PEPD: variants seen among roughly 807,000 people sequenced by gnomAD.
PEPD encodes the protein peptidase D, also known as xaa-Pro dipeptidase.
In PEPD, 53 loss-of-function variants were observed where a neutral mutation model predicts 60.7. That is an observed-to-expected ratio of 0.87 (90% CI 0.70 to 1.10). PEPD has a LOEUF of 1.10. Among genes scored for constraint, PEPD ranks in the 50% least tolerant of loss-of-function variants. The pLI, the probability that PEPD is intolerant of heterozygous loss-of-function variation, is 0.00. For missense variants in PEPD, 711 were observed against 711.9 expected (o/e 1.00, Z 0.01); for synonymous variants, 267 against 284.1 (o/e 0.94, Z 0.60).
intron 9 of PEPD, among the ~76,000 whole-genome samples, chr19:33,436,684 C>A (rs1177763489): frequency 6.6e-5 from 10 of 152,262 alleles, no homozygotes; most frequent in Admixed American, 6.5e-4. Context: ...AAAGCAATCA[C>A]CTCATGGGCA....
At chr19:33,469,289 T>C (rs1043743897) in intron 7 of PEPD, among the ~76,000 whole-genome samples, 1 of 152,144 alleles carries the variant, frequency 6.6e-6, no homozygotes, top group African/African-American at 2.4e-5. Flanking sequence ...CCAGGAGCAC[T>C]GAGCACTGCC....
At position 33,411,693 on chromosome 19, in the gene PEPD, G is replaced by C. The variant is rs537651471; in HGVS notation, c.797C>G (p.Thr266Arg). The C allele has an allele frequency of 2.5e-6, 4 of 1,607,894 alleles. No individual in the cohort carries two copies. Among genetic ancestry groups the C allele is most frequent in the Non-Finnish European group, 3.4e-6 (4 of 1,174,700 alleles). The change falls in exon 11 of 15, where the codon ACG becomes AGG. Residue 266 changes from threonine (T) to arginine (R), a missense_variant. Thr to Arg is a moderately conservative substitution (Grantham distance 71, BLOSUM62 -1). Transcript: ENST00000244137. ...TTACCACATATCCCCATTCTGGATC[G>C]TTCGGTCGTTGGGAGCTCCGGCGTG... The part of the protein sequence containing the change: ...YGHAGAPNDR[T>R]IQNGDMCLFD...
chr19:33,442,994 G>A (rs548856113), intron 9 of PEPD, among the ~76,000 whole-genome samples: 16 of 152,252 alleles, frequency 1.1e-4, no homozygotes, highest in African/African-American at 3.9e-4. Context: ...CACACAGTAG[G>A]TGCATCATAA....
At chr19:33,447,747 G>T (rs767176088) in intron 9 of PEPD, among the ~76,000 whole-genome samples, 3 of 152,202 alleles carry the variant, frequency 2.0e-5, no homozygotes, top group Admixed American at 1.3e-4. Flanking sequence ...CTCTGGGGCA[G>T]CTGAAGAAGG....
At chr19:33,493,359 C>A (rs1292205401) in intron 4 of PEPD, 22 bp from the exon 5 acceptor site, 3 of 1,594,292 alleles carry the variant, frequency 1.9e-6, no homozygotes, top group East Asian at 2.2e-5. Flanking sequence ...GAAAGAAAAA[C>A]CCACTTTAGA....
At chr19:33,397,705 G>C (rs959287717) in intron 12 of PEPD, among the ~76,000 whole-genome samples, 1 of 152,076 alleles carries the variant, frequency 6.6e-6, no homozygotes, top group Non-Finnish European at 1.5e-5. Flanking sequence ...GGGTGGGAGC[G>C]GGGCTGGGGG....
intron 9 of PEPD, among the ~76,000 whole-genome samples, chr19:33,438,220 C>T (rs992803285): frequency 1.3e-5 from 2 of 152,184 alleles, no homozygotes; most frequent in African/African-American, 2.4e-5. Flanking sequence ...GAGAAGAGAG[C>T]CACCTGCTTG....
intron 12 of PEPD, among the ~76,000 whole-genome samples, chr19:33,391,891 C>T (rs1968231367): frequency 6.6e-6 from 1 of 152,216 alleles, no homozygotes; most frequent in Admixed American, 6.5e-5. Flanking sequence ...CACCAGGAGA[C>T]TCTGTGGGCT....
rs745563079 is a variant in PEPD at position 33,387,293 on chromosome 19, A to G, written c.*51T>C. 23 of 1,609,696 alleles carry G rather than the reference A, an allele frequency of 1.4e-5. No individual in the cohort carries two copies. Among genetic ancestry groups the G allele is most frequent in the Non-Finnish European group, 2.0e-5 (23 of 1,178,054 alleles). Reference sequence around the variant, plus strand: ...CTGACCAGCAGGCTGCCCATCACGAAAAGAGGTTGCAAGGCCAGGCCCCCA... The same window carrying G: ...CTGACCAGCAGGCTGCCCATCACGAGAAGAGGTTGCAAGGCCAGGCCCCCA... On this transcript the variant is annotated 3_prime_UTR_variant, in exon 15 of 15. Transcript: ENST00000244137.
chr19:33,401,968 C>T (rs1261661855), intron 11 of PEPD, 99 bp from the exon 12 acceptor site: 8 of 1,196,950 alleles, frequency 6.7e-6, no homozygotes, highest in African/African-American at 1.5e-5. Flanking sequence ...GCAGCTGGCC[C>T]GGGTCCTGGA....
At chr19:33,513,779 C>T (rs1970971721) in intron 1 of PEPD, among the ~76,000 whole-genome samples, 1 of 151,782 alleles carries the variant, frequency 6.6e-6, no homozygotes, top group Admixed American at 6.6e-5. Flanking sequence ...CGGGCATCCT[C>T]GCTCTTCCCT....
At chr19:33,456,776 C>G (rs1466689830) in intron 9 of PEPD, among the ~76,000 whole-genome samples, 4 of 152,186 alleles carry the variant, frequency 2.6e-5, no homozygotes, top group African/African-American at 9.6e-5. Flanking sequence ...GTCCTCAAAA[C>G]TGCAGCACCC....
intron 6 of PEPD, among the ~76,000 whole-genome samples, chr19:33,485,717 T>C (rs1165325512): frequency 6.6e-6 from 1 of 152,154 alleles, no homozygotes; most frequent in African/African-American, 2.4e-5. Context: ...ACTGCTTGCT[T>C]AAATGGAATC....
chr19:33,515,557 A>G (rs529912896), intron 1 of PEPD, among the ~76,000 whole-genome samples: 1 of 151,982 alleles, frequency 6.6e-6, no homozygotes, highest in East Asian at 1.9e-4. Context: ...GATATCCCCC[A>G]TGGCCTCCCA....
chr19:33,422,847 C>CATCT (rs1568463763), intron 9 of PEPD, among the ~76,000 whole-genome samples: 19 of 90,504 alleles, frequency 2.1e-4, no homozygotes, highest in African/African-American at 7.9e-4. Context: ...TCCATCTATC[C>CATCT]ATCCATCCAT....
chr19:33,502,685 A>C (rs559950609), intron 3 of PEPD, among the ~76,000 whole-genome samples: 1 of 152,200 alleles, frequency 6.6e-6, no homozygotes, highest in East Asian at 1.9e-4. Flanking sequence ...ATGGCAGGCC[A>C]CCACTTCATT....
At chr19:33,438,784 C>T (rs1969427888) in intron 9 of PEPD, among the ~76,000 whole-genome samples, 1 of 152,246 alleles carries the variant, frequency 6.6e-6, no homozygotes, top group African/African-American at 2.4e-5. Context: ...GGCACGATCT[C>T]AGCTCACTGC....
intron 11 of PEPD, among the ~76,000 whole-genome samples, chr19:33,404,753 G>A (rs989821001): frequency 6.6e-6 from 1 of 152,156 alleles, no homozygotes; most frequent in African/African-American, 2.4e-5. Flanking sequence ...CCTGCCCAGC[G>A]AGGCTCGGGT....
intron 7 of PEPD, among the ~76,000 whole-genome samples, chr19:33,467,963 G>A (rs1475251511): frequency 2.6e-5 from 4 of 152,150 alleles, no homozygotes; most frequent in African/African-American, 7.2e-5. Flanking sequence ...CTAATGGAGC[G>A]CAGAGACCAT....
Sources: gnomAD v4.1 joint callset for allele counts (sites outside exome capture counted in the v4.1 genomes callset) on GRCh38, gnomAD v4.1.1 for gene constraint, MANE v1.5 for transcripts, NCBI Gene and HGNC (gene_info 2026-07-23, HGNC 2026-07-21) for gene names.